Variants in MYH13 observed in about 807,000 individuals in gnomAD.
MYH13 encodes the protein myosin-13.
A neutral mutation model predicts 232.1 loss-of-function variants in MYH13; 177 were observed. That is an observed-to-expected ratio of 0.76 (90% CI 0.67 to 0.86). MYH13 has a LOEUF of 0.86. MYH13 is among the 40% of genes least tolerant of loss of function. MYH13 has a pLI of 0.00. For synonymous variants in MYH13, 884 were observed against 923.5 expected, an observed-to-expected ratio of 0.96 and a Z score of 0.78; for missense variants, 2,246 against 2,405.9, an observed-to-expected ratio of 0.93 and a Z score of 1.39.
intron 23 of MYH13, among the ~76,000 whole-genome samples, chr17:10,322,666 C>G (rs1475733879): frequency 2.3e-5 from 3 of 128,408 alleles, no homozygotes; most frequent in Non-Finnish European, 4.8e-5. Flanking sequence ...GGGAGTCTCA[C>G]TCTGTCGCCC....
chr17:10,364,717 C>T (rs574609845), intron 2 of MYH13, among the ~76,000 whole-genome samples, 175 bp from the exon 3 acceptor site: 1 of 151,464 alleles, frequency 6.6e-6, no homozygotes, highest in African/African-American at 2.4e-5. Context: ...TGGGAATAAG[C>T]TAAAGGGGAT....
intron 20 of MYH13, among the ~76,000 whole-genome samples, chr17:10,331,806 G>A (rs758079045): frequency 1.1e-4 from 17 of 152,124 alleles, no homozygotes; most frequent in Non-Finnish European, 2.4e-4. Context: ...TCCTCTCTAT[G>A]TTCTCCTCTC....
At chr17:10,360,133 C>T (rs1270005104) in intron 6 of MYH13, 28 bp downstream of exon 6, 2 of 1,614,012 alleles carry the variant, frequency 1.2e-6, no homozygotes, top group East Asian at 2.2e-5. Context: ...GTTTCCAAGT[C>T]ATGATGGTAC....
chr17:10,305,893 G>T (rs914115496), intron 37 of MYH13, among the ~76,000 whole-genome samples: 8 of 152,242 alleles, frequency 5.3e-5, no homozygotes, highest in African/African-American at 1.9e-4. Flanking sequence ...AGCCCCGATC[G>T]CCCTCTTTTG....
Position 10,350,649 on chromosome 17 carries a change from T to A in MYH13, c.1051A>T (p.Ile351Phe), listed in dbSNP as rs754060262. 6.2e-7 allele frequency: 1 copy of A among 1,613,642 alleles called. No individual in the cohort carries two copies. The highest frequency in any genetic ancestry group is 8.5e-7 in the Non-Finnish European group (1 of 1,179,918). The change falls in exon 12 of 41, where the codon ATC (isoleucine) becomes TTC (phenylalanine). Residue 351 changes from isoleucine to phenylalanine, a missense_variant. Coordinates refer to ENST00000252172, the MANE Select transcript of MYH13 (RefSeq NM_003802.3). The stretch of plus-strand genomic sequence containing the variant: ...ATCACGGCTCCCGTCAGTTTGTAGA[T>A]CCCGACTTTCTCCTCTGAGCTGAAG... Reference protein sequence around the residue: ...LGFSSEEKVGIYKLTGAVMHY... With the variant: ...LGFSSEEKVGFYKLTGAVMHY...
At chr17:10,344,369 A>G (rs2071644034) in intron 15 of MYH13, among the ~76,000 whole-genome samples, 1 of 152,178 alleles carries the variant, frequency 6.6e-6, no homozygotes, top group Non-Finnish European at 1.5e-5. Flanking sequence ...ACTTTTTTCA[A>G]TAGGTGTACA....
At chr17:10,358,594 C>T (rs535985927) in intron 7 of MYH13, among the ~76,000 whole-genome samples, 1 of 151,846 alleles carries the variant, frequency 6.6e-6, no homozygotes, top group Non-Finnish European at 1.5e-5. Flanking sequence ...TCCATCTCTA[C>T]AAAAAATTAA....
At chr17:10,352,814 T>A (rs994659163) in intron 11 of MYH13, among the ~76,000 whole-genome samples, 27 of 152,274 alleles carry the variant, frequency 1.8e-4, no homozygotes, top group African/African-American at 5.8e-4. Flanking sequence ...TAAAAATATA[T>A]AACAACTTAA....
Position 10,303,177 on chromosome 17 carries a change from G to A in MYH13, c.5667+19C>T, listed in dbSNP as rs150001403. 502 of 1,609,852 alleles carry A rather than the reference G, an allele frequency of 3.1e-4. 2 individuals carry two copies. In the African/African-American group the frequency reaches 5.9e-3, roughly 19 times the overall value. On this transcript the variant is annotated intron_variant, in intron 39 of 40. Transcript: ENST00000252172. ...GGACTGTCTGTCTGTGGGCACTGCC[G>A]GGGACCTCCTGTGCTTACCGCCTCC...
chr17:10,371,973 T>C (rs1190991863), intron 1 of MYH13, among the ~76,000 whole-genome samples: 1 of 152,144 alleles, frequency 6.6e-6, no homozygotes, highest in East Asian at 1.9e-4. Context: ...ATATCAAATG[T>C]AATCTAAGCA....
intron 2 of MYH13, among the ~76,000 whole-genome samples, chr17:10,367,500 C>T (rs551251477): frequency 2.9e-4 from 44 of 152,170 alleles, no homozygotes; most frequent in African/African-American, 1.0e-3. Context: ...AGGTGCCCAC[C>T]ACCATGCCCA....
rs1413427625 is a variant in MYH13 at position 10,311,172 on chromosome 17, T to C, written c.4587A>G (p.Glu1529=). 6.2e-7 allele frequency: 1 copy of C among 1,614,062 alleles called. No individual in the cohort carries two copies. Among genetic ancestry groups the C allele is most frequent in the Admixed American group, 1.7e-5 (1 of 60,030 alleles). ...QIAETGKNLQ[E]AEKTKKLVEQ... ...CCACTAGCTTCTTGGTCTTTTCCGC[T>C]TCCTGAAGATTCTTGCCAGTTTCTG... Residue 1529 remains glutamate (E), a synonymous_variant, in exon 33 of 41, where the codon GAA becomes GAG. Coordinates refer to ENST00000252172, the MANE Select transcript of MYH13 (RefSeq NM_003802.3).
At chr17:10,321,484 G>A (rs1351043952) in intron 24 of MYH13, 48 bp downstream of exon 24, 2 of 1,552,238 alleles carry the variant, frequency 1.3e-6, no homozygotes, top group Admixed American at 3.6e-5. Context: ...TCTTGTCTGT[G>A]CTTCCACAAG....
At chr17:10,345,079 A>T in intron 15 of MYH13, 123 bp downstream of exon 15, 1 of 1,457,498 alleles carries the variant, frequency 6.9e-7, no homozygotes, top group Non-Finnish European at 9.4e-7. Flanking sequence ...GCATTCAGTT[A>T]TCTATCTGAA....
rs1388933283 is a variant in MYH13, at chr17:10,343,791, G to C, written c.1894+9C>G. 1 of 1,577,052 alleles carries C rather than the reference G, an allele frequency of 6.3e-7. No homozygotes were observed. Among genetic ancestry groups the C allele is most frequent in the Non-Finnish European group, 8.6e-7 (1 of 1,161,002 alleles). On this transcript the variant is annotated intron_variant, in intron 16 of 40. Transcript: ENST00000252172. Reference sequence around the variant, plus strand: ...GTCCCACAGAGGGAAAGAAATGATAGAATTTTACCTGTCTCTGCACCAGCA... The same window carrying C: ...GTCCCACAGAGGGAAAGAAATGATACAATTTTACCTGTCTCTGCACCAGCA...
intron 12 of MYH13, among the ~76,000 whole-genome samples, chr17:10,347,712 C>CTTTTTTTTTTTT (rs71139041): frequency 2.3e-5 from 2 of 86,724 alleles, no homozygotes; most frequent in Non-Finnish European, 4.2e-5. Context: ...GGGACTACTT[C>CTTTTTTTTTTTT]TTTTTTTTTT....
chr17:10,301,294 C>G (rs1389500180), intron 40 of MYH13, among the ~76,000 whole-genome samples: 2 of 152,158 alleles, frequency 1.3e-5, no homozygotes, highest in African/African-American at 4.8e-5. Flanking sequence ...GTGCAACCAG[C>G]AGCAGGAAGG....
chr17:10,361,811 A>G (rs2071796088), intron 5 of MYH13, among the ~76,000 whole-genome samples: 2 of 152,158 alleles, frequency 1.3e-5, no homozygotes, highest in Admixed American at 6.5e-5. Context: ...GTGGCTACTG[A>G]TATGGTTTCT....
At chr17:10,336,880 G>C (rs959880414) in intron 18 of MYH13, among the ~76,000 whole-genome samples, 2 of 150,346 alleles carry the variant, frequency 1.3e-5, no homozygotes, top group Non-Finnish European at 3.0e-5. Context: ...GCTTCCCCTC[G>C]TGGCCCTCTG....
Sources: allele counts gnomAD v4.1 joint callset (sites outside exome capture counted in the v4.1 genomes callset), GRCh38; gene constraint gnomAD v4.1.1; transcripts MANE v1.5; gene names NCBI Gene and HGNC (gene_info 2026-07-23, HGNC 2026-07-21).